TRPM2: variants seen among roughly 807,000 people sequenced by gnomAD.
TRPM2 encodes the protein estrogen-responsive element-associated gene 1 protein.
In TRPM2, 161 loss-of-function variants were observed where a neutral mutation model predicts 174.0. The ratio of observed to expected loss-of-function variants is 0.93; its 90% CI spans 0.81 to 1.05. The LOEUF is 1.05. TRPM2 is among the 50% of genes least tolerant of loss of function. The pLI is 0.00. For missense variants in TRPM2, 2,057 were observed against 2,038.0 expected (o/e 1.01, Z -0.18); for synonymous variants, 954 against 861.3 (o/e 1.11, Z -1.88).
At chr21:44,360,947 C>A (rs2146130575) in intron 2 of TRPM2, among the ~76,000 whole-genome samples, 1 of 152,238 alleles carries the variant, frequency 6.6e-6, no homozygotes, top group South Asian at 2.1e-4. Flanking sequence ...CCGAGCTCTT[C>A]CTGTACTTCC....
intron 20 of TRPM2, among the ~76,000 whole-genome samples, chr21:44,417,207 C>T (rs572888646): frequency 2.6e-4 from 35 of 134,386 alleles, no homozygotes; most frequent in African/African-American, 9.2e-4. Flanking sequence ...CGTGGCTCTG[C>T]TCTCTGGCAT....
chr21:44,403,453 C>T (rs2049699846), intron 16 of TRPM2, among the ~76,000 whole-genome samples: 1 of 152,132 alleles, frequency 6.6e-6, no homozygotes, highest in Non-Finnish European at 1.5e-5. Flanking sequence ...GAGGGCGCTG[C>T]TCCAACACAC....
At position 44,366,977 on chromosome 21, in the gene TRPM2, G is replaced by A; in HGVS notation, c.604+43G>A. 1 of 1,535,796 alleles carries A rather than the reference G, an allele frequency of 6.5e-7. No individual in the cohort carries two copies. Among genetic ancestry groups the A allele is most frequent in the Admixed American group, 2.0e-5 (1 of 50,894 alleles). ...GGGACACGAGGCCCCGGCGGGTGGG[G>A]TGGGCTGTGGAGGCAGTGCTGGGGC... On this transcript the variant is annotated intron_variant, in intron 4 of 31. Transcript: ENST00000397928. This position sits in a 1 kb window ranked among gnomAD's most constrained non-coding sequence, Gnocchi z 6.0.
At chr21:44,372,837 C>G (rs1602153565) in intron 5 of TRPM2, among the ~76,000 whole-genome samples, 1 of 152,202 alleles carries the variant, frequency 6.6e-6, no homozygotes, top group Non-Finnish European at 1.5e-5. Context: ...CTACCCTGCT[C>G]TGTGTCCACG....
At position 44,406,728 on chromosome 21, in the gene TRPM2, C is replaced by A. The variant is rs2049894639; in HGVS notation, c.2925C>A (p.Tyr975Ter). 1.2e-6 allele frequency: 2 copies of A among 1,608,034 alleles called. No individual in the cohort carries two copies. Among genetic ancestry groups the A allele is most frequent in the Non-Finnish European group, 1.7e-6 (2 of 1,178,834 alleles). ...TCCGAGGGGCCGTCTACCACTCCTA[C>A]CTCACCATCTTCGGGCAGATCCCGG... is the stretch of plus-strand genomic sequence containing the variant. The part of the protein sequence containing the change: ...WLFRGAVYHS[Y>*]LTIFGQIPGY... Residue 975 changes from tyrosine (Y) to a stop codon, truncating the protein, a stop_gained, in exon 19 of 32, where the codon TAC (tyrosine) becomes TAA (stop). Coordinates refer to ENST00000397928, the MANE Select transcript of TRPM2 (RefSeq NM_003307.4). LOFTEE classifies it high-confidence loss of function.
At chr21:44,429,359 C>T (rs1342158997) in intron 27 of TRPM2, among the ~76,000 whole-genome samples, 1 of 123,688 alleles carries the variant, frequency 8.1e-6, no homozygotes, top group Middle Eastern at 7.2e-3. Flanking sequence ...GTGATCTTGG[C>T]TCACTACAAC....
chr21:44,394,192 T>C (rs2049267371), intron 11 of TRPM2, among the ~76,000 whole-genome samples: 2 of 151,862 alleles, frequency 1.3e-5, no homozygotes, highest in South Asian at 4.2e-4. Context: ...TTTTATACAT[T>C]CACGATCTGC....
chr21:44,410,892 G>GACCGC lies in TRPM2; in HGVS notation c.2963-2997_2963-2996insCGCAC, dbSNP rs2050086687. Among the ~76,000 whole-genome samples the GACCGC allele has an allele frequency of 2.9e-5, 3 of 104,304 alleles. 1 individual carries two copies. The highest frequency in any genetic ancestry group is 6.5e-5 in the Non-Finnish European group (3 of 45,882). 68.4% of individuals were successfully genotyped at this position (104,304 alleles called of 152,430 possible). On this transcript the variant is annotated intron_variant, in intron 19 of 31. Coordinates refer to ENST00000397928, the MANE Select transcript of TRPM2 (RefSeq NM_003307.4). Reference sequence around the variant, plus strand: ...TGAGCGTAGTCTTGTAGTAAGTTTTGACTGCACTGTCTTGGTTGGCGTAGC... The same window carrying GACCGC: ...TGAGCGTAGTCTTGTAGTAAGTTTTGACCGCACTGCACTGTCTTGGTTGGCGTAGC...
chr21:44,434,086 C>T (rs1037283768), intron 27 of TRPM2, among the ~76,000 whole-genome samples: 3 of 151,680 alleles, frequency 2.0e-5, no homozygotes, highest in Non-Finnish European at 4.4e-5. Context: ...CGCACTGCCG[C>T]GCAGACTCAG....
In TRPM2 at chr21:44,366,642, A is replaced by T. The variant is rs78448894; in HGVS notation, c.424-112A>T. ...CCCCTTTTCTGGGTCTGAGCCGGAA[A>T]GGTGTGCGGTGTCTGCCGCCCGCTG... On this transcript the variant is annotated intron_variant, in intron 3 of 31. Transcript: ENST00000397928. This position sits in a 1 kb window ranked among gnomAD's most constrained non-coding sequence, Gnocchi z 6.0. 6.5e-3 allele frequency: 9,284 copies of T among 1,430,980 alleles called. 41 individuals carry two copies. Among genetic ancestry groups the T allele is most frequent in the Non-Finnish European group, 8.0e-3 (8,350 of 1,038,174 alleles). The allele number at this position is 1,430,980 out of a possible 1,614,324, so 88.6% of individuals were successfully genotyped here. A position where few individuals can be genotyped will look rare whatever the true frequency, so the allele number is the denominator to read the frequency against.
In TRPM2 at chr21:44,366,264, ACAGGAGAGGG is replaced by A. The variant is rs1569020031; in HGVS notation, c.424-489_424-480del. ...GAGCAGAGGGGATAGGGCAGAGGGGACAGGAGAGGGGACAGGAGAGGGGACAGGAGAGGGG... is the reference window on the plus strand; with the variant it reads ...GAGCAGAGGGGATAGGGCAGAGGGGAGACAGGAGAGGGGACAGGAGAGGGG... On this transcript the variant is annotated intron_variant, in intron 3 of 31. Coordinates refer to ENST00000397928, the MANE Select transcript of TRPM2 (RefSeq NM_003307.4). The surrounding 1 kb of genome is among the most constrained non-coding windows in gnomAD (Gnocchi z 6.0). 2.7e-3 allele frequency among the ~76,000 whole-genome samples: 227 copies of A among 85,566 alleles called. No homozygotes were observed. The highest frequency in any genetic ancestry group is 0.011 in the African/African-American group (215 of 19,356). 56.1% of individuals were successfully genotyped at this position (85,566 alleles called of 152,430 possible). A position where few individuals can be genotyped will look rare whatever the true frequency, so the allele number is the denominator to read the frequency against.
Position 44,390,394 on chromosome 21 carries a change from T to A in TRPM2, c.1319-510T>A, listed in dbSNP as rs150540831. 1.7e-3 allele frequency among the ~76,000 whole-genome samples: 255 copies of A among 152,314 alleles called. 7 individuals carry two copies. The East Asian group carries it at 0.04, about 24-fold the overall frequency. ...TTTCCCCAAATAACAACCCATGTTTTAAAAAGTTAAACCAGAAAGGGAACA... is the reference window on the plus strand; with the variant it reads ...TTTCCCCAAATAACAACCCATGTTTAAAAAAGTTAAACCAGAAAGGGAACA... On this transcript the variant is annotated intron_variant, in intron 9 of 31. Transcript: ENST00000397928.
chr21:44,358,173 G>C (rs2048111410), intron 2 of TRPM2, among the ~76,000 whole-genome samples: 1 of 152,204 alleles, frequency 6.6e-6, no homozygotes, highest in South Asian at 2.1e-4. Context: ...ACCCTCCTCA[G>C]CTCTGCACAG....
intron 7 of TRPM2, 60 bp downstream of exon 7, chr21:44,377,833 T>C (rs2048752845): frequency 6.3e-7 from 1 of 1,580,312 alleles, no homozygotes; most frequent in Admixed American, 1.7e-5. Context: ...GGCAGATGAC[T>C]GTCCAAAAGT....
Position 44,418,417 on chromosome 21 carries a change from T to C in TRPM2, c.3329-6T>C, listed in dbSNP as rs2050393213. On this transcript the variant is annotated splice_polypyrimidine_tract_variant and splice_region_variant and intron_variant, in intron 21 of 31. Coordinates refer to ENST00000397928, the MANE Select transcript of TRPM2 (RefSeq NM_003307.4). ...GGTCCCCTGGTCTGTCCGCCCACCC[T>C]GACAGAGAACAAGCTGGAGAAGAAC... 6.2e-7 allele frequency: 1 copy of C among 1,613,730 alleles called. No homozygotes were observed. Among genetic ancestry groups the C allele is most frequent in the East Asian group, 2.2e-5 (1 of 44,868 alleles).
chr21:44,398,258 T>C lies in TRPM2; in HGVS notation c.2062+382T>C, dbSNP rs191543354. Among the ~76,000 whole-genome samples the C allele has an allele frequency of 4.5e-3, 676 of 149,444 alleles. 5 individuals carry two copies. Among genetic ancestry groups the C allele is most frequent in the African/African-American group, 0.016 (637 of 39,800 alleles). ...CTCTGTTGCCCAGGCTGGAGTGCAA[T>C]GGCACAATCTCGGCTCACTACACCC... is the stretch of plus-strand genomic sequence containing the variant. On this transcript the variant is annotated intron_variant, in intron 13 of 31. Coordinates refer to ENST00000397928, the MANE Select transcript of TRPM2 (RefSeq NM_003307.4).
rs759447285 is a variant in TRPM2, at chr21:44,369,209, G to A, written c.637G>A (p.Gly213Ser). 5 of 1,612,942 alleles carry A rather than the reference G, an allele frequency of 3.1e-6. No individual in the cohort carries two copies. The highest frequency in any genetic ancestry group is 4.5e-5 in the East Asian group (2 of 44,842). Reference protein sequence around the residue: ...AWIITGGSHTGVMKQVGEAVR... With the variant: ...AWIITGGSHTSVMKQVGEAVR... Reference sequence around the variant, plus strand: ...GATCATCACAGGGGGGTCCCACACCGGCGTCATGAAGCAGGTAGGCGAGGC... The same window carrying A: ...GATCATCACAGGGGGGTCCCACACCAGCGTCATGAAGCAGGTAGGCGAGGC... Residue 213 changes from glycine to serine, a missense_variant, in exon 5 of 32, where the codon GGC (glycine) becomes AGC (serine). Transcript: ENST00000397928.
intron 22 of TRPM2, chr21:44,422,389 G>A (rs1221411728): frequency 3.3e-6 from 5 of 1,536,176 alleles, no homozygotes; most frequent in African/African-American, 1.4e-5. Context: ...ACCCTCGCAT[G>A]TTTGCAAGGC....
At position 44,377,699 on chromosome 21, in the gene TRPM2, G is replaced by A. The variant is rs2048746982; in HGVS notation, c.953-13G>A. The A allele has an allele frequency of 6.2e-7, 1 of 1,614,036 alleles. No homozygotes were observed. Among genetic ancestry groups the A allele is most frequent in the Non-Finnish European group, 8.5e-7 (1 of 1,180,032 alleles). ...TTAGGTGTGGCCCTCACTCGGCTGT[G>A]TGCTTTTTCTAGGTGTGGCCATCAA... On this transcript the variant is annotated splice_polypyrimidine_tract_variant and intron_variant, in intron 6 of 31. Transcript: ENST00000397928.
Sources: gnomAD v4.1 joint callset for allele counts (sites outside exome capture counted in the v4.1 genomes callset) on GRCh38, gnomAD v4.1.1 for gene constraint, Gnocchi (gnomAD v3.1) non-coding constraint, MANE v1.5 for transcripts, NCBI Gene and HGNC (gene_info 2026-07-23, HGNC 2026-07-21) for gene names.